RELN: variants seen among roughly 807,000 people sequenced by gnomAD.
The protein encoded by RELN is reelin.
In RELN, 108 loss-of-function variants were observed where a neutral mutation model predicts 427.6. The ratio of observed to expected loss-of-function variants is 0.25; its 90% CI spans 0.22 to 0.30. The LOEUF (loss-of-function observed/expected upper bound fraction) is 0.30, where lower values mean the gene tolerates loss of function less well. Ranked by LOEUF, RELN falls within the 10% of genes least tolerant of loss-of-function variation. The pLI, the probability that RELN is intolerant of heterozygous loss-of-function variation, is 1.00. For synonymous variants in RELN, 1,524 were observed against 1,513.4 expected, an observed-to-expected ratio of 1.01 and a Z score of -0.16; for missense variants, 3,715 against 4,302.8, an observed-to-expected ratio of 0.86 and a Z score of 3.82.
chr7:103,931,561 A>G (rs566778333), intron 1 of RELN, among the ~76,000 whole-genome samples: 4 of 152,318 alleles, frequency 2.6e-5, no homozygotes, highest in South Asian at 4.1e-4. Flanking sequence ...GGTTATTAGC[A>G]AGTGTTTTTA....
intron 27 of RELN, 137 bp downstream of exon 27, chr7:103,593,545 A>G (rs1042328988): frequency 2.6e-6 from 2 of 772,892 alleles, no homozygotes; most frequent in African/African-American, 3.5e-5. Context: ...CAATTCTAAC[A>G]CTGTTAAGCT....
chr7:103,490,837 A>C lies in RELN; in HGVS notation c.9444-8T>G. On this transcript the variant is annotated splice_region_variant and splice_polypyrimidine_tract_variant and intron_variant, in intron 58 of 64. Transcript: ENST00000428762. ...AGCTGCCAGGAATCCGATCTGCAGA[A>C]ACCAAAAGGCTTTGTTAGACAAATT... The C allele has an allele frequency of 6.2e-7, 1 of 1,614,164 alleles. No individual in the cohort carries two copies. Among genetic ancestry groups the C allele is most frequent in the Non-Finnish European group, 8.5e-7 (1 of 1,180,012 alleles).
Position 103,830,073 on chromosome 7 carries a change from T to TAAAATAAATAAAACAAAAAAATAAAGTA in RELN, c.473+3463_473+3464insTACTTTATTTTTTTGTTTTATTTATTTT, listed in dbSNP as rs763508160. 2.0e-5 allele frequency among the ~76,000 whole-genome samples: 3 copies of TAAAATAAATAAAACAAAAAAATAAAGTA among 151,664 alleles called. No homozygotes were observed. The East Asian group carries it at 5.8e-4, about 29-fold the overall frequency. Reference sequence around the variant, plus strand: ...AGACGTTAAAAAATAAAGTAGACACTGCCAATTACAATTGTAGGATGCCAT... The same window carrying TAAAATAAATAAAACAAAAAAATAAAGTA: ...AGACGTTAAAAAATAAAGTAGACACTAAAATAAATAAAACAAAAAAATAAAGTAGCCAATTACAATTGTAGGATGCCAT... On this transcript the variant is annotated intron_variant, in intron 3 of 64. Transcript: ENST00000428762.
In RELN at chr7:103,594,440, G is replaced by T. The variant is rs770490289; in HGVS notation, c.3592C>A (p.Arg1198Ser). ...CCTGAGAACACGGGCTGCCACCAGC[G>T]GAACCTGGTGCAAGGGGTCTTGGCA... Reference protein sequence around the residue: ...AAAKTPCTRFRWWQPVFSGED... With the variant: ...AAAKTPCTRFSWWQPVFSGED... The change falls in exon 26 of 65, where the codon CGC (arginine) becomes AGC (serine). Residue 1198 changes from arginine to serine, a missense_variant. Arg to Ser is a moderately radical substitution (Grantham distance 110, BLOSUM62 -1). Coordinates refer to ENST00000428762, the MANE Select transcript of RELN (RefSeq NM_005045.4). The T allele has an allele frequency of 1.2e-6, 2 of 1,613,822 alleles. No individual in the cohort carries two copies. Among genetic ancestry groups the T allele is most frequent in the South Asian group, 1.1e-5 (1 of 91,078 alleles).
chr7:103,891,488 A>G (rs1334348603), intron 2 of RELN, among the ~76,000 whole-genome samples: 1 of 152,084 alleles, frequency 6.6e-6, no homozygotes, highest in Non-Finnish European at 1.5e-5. Flanking sequence ...CTACTATAAT[A>G]GTGAGCATGT....
At chr7:103,580,026 C>A (rs1339667490) in intron 28 of RELN, among the ~76,000 whole-genome samples, 1 of 152,186 alleles carries the variant, frequency 6.6e-6, no homozygotes, top group Non-Finnish European at 1.5e-5. Flanking sequence ...AACATATATT[C>A]ACCATCACCA....
chr7:103,479,589 G>A (rs1211622729), intron 63 of RELN, among the ~76,000 whole-genome samples: 4 of 152,172 alleles, frequency 2.6e-5, no homozygotes, highest in Non-Finnish European at 4.4e-5. Context: ...ACAAGCATGA[G>A]AGACTGCTTG....
At chr7:103,742,805 C>T (rs13309959) in intron 6 of RELN, among the ~76,000 whole-genome samples, 25,417 of 152,072 alleles carry the variant, frequency 0.17, 2,349 homozygotes, top group Middle Eastern at 0.29. Flanking sequence ...CCTGAAGTGA[C>T]GGGGAGAATG....
At chr7:103,679,007 C>T (rs769013463) in intron 11 of RELN, among the ~76,000 whole-genome samples, 7 of 152,272 alleles carry the variant, frequency 4.6e-5, no homozygotes, top group Non-Finnish European at 8.8e-5. Flanking sequence ...TTTTCTTTGT[C>T]AGCTCTTACC....
In RELN at chr7:103,515,193, T is replaced by C. The variant is rs1829530779; in HGVS notation, c.8111A>G (p.Lys2704Arg). Residue 2704 changes from lysine to arginine, a missense_variant, in exon 50 of 65, where the codon AAA becomes AGA. Lys to Arg is a conservative substitution (Grantham distance 26, BLOSUM62 2). Around this residue, in one of 4 missense-constraint regions of RELN, gnomAD observed 1,310 missense variants for 1,643.0 expected, o/e 0.80. Transcript: ENST00000428762. The part of the protein sequence containing the change: ...RIAFDMFMED[K>R]TSVNEHWLFH... ...CGCTGTGCATAATTTACCTGAAGTT[T>C]TGTCTTCCATAAACATGTCAAAGGC... 1 of 1,614,202 alleles carries C rather than the reference T, an allele frequency of 6.2e-7. No homozygotes were observed. The highest frequency in any genetic ancestry group is 8.5e-7 in the Non-Finnish European group (1 of 1,180,028).
chr7:103,821,623 G>C (rs954850621), intron 3 of RELN, among the ~76,000 whole-genome samples: 15 of 152,182 alleles, frequency 9.9e-5, no homozygotes, highest in Admixed American at 2.0e-4. Context: ...AGCAAATAAG[G>C]ATGCCATCTC....
chr7:103,620,149 T>A lies in RELN; in HGVS notation c.2703-8346A>T, dbSNP rs966613903. On this transcript the variant is annotated intron_variant, in intron 20 of 64. Transcript: ENST00000428762. The surrounding 1 kb of genome is among the most constrained non-coding windows in gnomAD (Gnocchi z 4.1). ...TACTGTTCTCATGGTAGTGGGTAAGTCTCATGAGAACTGATGATTTTATAA... is the reference window on the plus strand; with the variant it reads ...TACTGTTCTCATGGTAGTGGGTAAGACTCATGAGAACTGATGATTTTATAA... Among the ~76,000 whole-genome samples, 2 of 152,174 alleles carry A rather than the reference T, an allele frequency of 1.3e-5. No individual in the cohort carries two copies. The highest frequency in any genetic ancestry group is 4.8e-5 in the African/African-American group (2 of 41,436).
chr7:103,833,827 AC>A (rs1793333377), intron 2 of RELN, among the ~76,000 whole-genome samples, 155 bp from the exon 3 acceptor site: 1 of 152,192 alleles, frequency 6.6e-6, no homozygotes, highest in Non-Finnish European at 1.5e-5. Flanking sequence ...TTTTATTGCT[AC>A]AGGGAAATTA....
chr7:103,665,236 T>C lies in RELN; in HGVS notation c.1290-3709A>G, dbSNP rs935873597. ...ACTTCTGTCACATAACAATCCCCTATAAACGTGAGTCTGTTTCTACAATTA... is the reference window on the plus strand; with the variant it reads ...ACTTCTGTCACATAACAATCCCCTACAAACGTGAGTCTGTTTCTACAATTA... On this transcript the variant is annotated intron_variant, in intron 11 of 64. Coordinates refer to ENST00000428762, the MANE Select transcript of RELN (RefSeq NM_005045.4). Among the ~76,000 whole-genome samples, 4 of 152,118 alleles carry C rather than the reference T, an allele frequency of 2.6e-5. No homozygotes were observed. The South Asian group carries it at 8.3e-4, about 31-fold the overall frequency.
Position 103,658,956 on chromosome 7 carries a change from T to C in RELN, c.1441+2420A>G, listed in dbSNP as rs540490945. Reference sequence around the variant, plus strand: ...CTTTCTCAGTCTCCTTTACTACTATTTTCCCCTCTACTTATACCTAGATGA... The same window carrying C: ...CTTTCTCAGTCTCCTTTACTACTATCTTCCCCTCTACTTATACCTAGATGA... On this transcript the variant is annotated intron_variant, in intron 12 of 64. Transcript: ENST00000428762. Among the ~76,000 whole-genome samples, 5 of 152,012 alleles carry C rather than the reference T, an allele frequency of 3.3e-5. No individual in the cohort carries two copies. In the East Asian group the frequency reaches 9.8e-4, roughly 30 times the overall value.
At chr7:103,527,440 T>A (rs1182074808) in intron 46 of RELN, among the ~76,000 whole-genome samples, 4 of 152,252 alleles carry the variant, frequency 2.6e-5, no homozygotes, top group Non-Finnish European at 5.9e-5. Context: ...ATCTCTTGGT[T>A]CATGATTACT....
At chr7:103,473,148 C>G (rs553681635) in intron 64 of RELN, 1 of 618,746 alleles carries the variant, frequency 1.6e-6, no homozygotes, top group South Asian at 1.7e-5. Flanking sequence ...GAGCTCTGAA[C>G]CAGAAAATAT....
At chr7:103,552,924 G>A (rs1830445229) in intron 40 of RELN, among the ~76,000 whole-genome samples, 1 of 151,980 alleles carries the variant, frequency 6.6e-6, no homozygotes, top group South Asian at 2.1e-4. Flanking sequence ...TTTTATCTAA[G>A]TTTTTGAAAT....
intron 8 of RELN, among the ~76,000 whole-genome samples, chr7:103,704,913 T>C (rs1276248558): frequency 2.6e-5 from 4 of 152,148 alleles, no homozygotes; most frequent in Non-Finnish European, 4.4e-5. Flanking sequence ...TGTTGCCAAA[T>C]CAACAGATTG....
Sources: gnomAD v4.1 joint callset for allele counts (sites outside exome capture counted in the v4.1 genomes callset) on GRCh38, gnomAD v4.1.1 for gene constraint, gnomAD v4.1.1 regional missense constraint, Gnocchi (gnomAD v3.1) non-coding constraint, MANE v1.5 for transcripts, NCBI Gene and HGNC (gene_info 2026-07-23, HGNC 2026-07-21) for gene names.